Variants in CTNND2 observed in about 807,000 individuals in gnomAD.
CTNND2 encodes the protein catenin delta 2.
In CTNND2, 22 loss-of-function variants were observed where a neutral mutation model predicts 144.4. That is an observed-to-expected ratio of 0.15 (90% confidence interval 0.11 to 0.22). The LOEUF is 0.22. Ranked by LOEUF, CTNND2 falls within the 10% of genes least tolerant of loss-of-function variation. The pLI is 1.00. For synonymous variants in CTNND2, 751 were observed against 695.6 expected (o/e 1.08, Z -1.25); for missense variants, 1,353 against 1,618.8 (o/e 0.84, Z 2.82).
intron 12 of CTNND2, among the ~76,000 whole-genome samples, chr5:11,132,664 A>G (rs1249923810): frequency 6.6e-6 from 1 of 152,198 alleles, no homozygotes; most frequent in Admixed American, 6.5e-5. Context: ...GGCAGGCCAG[A>G]CTGACTAAGA....
intron 12 of CTNND2, among the ~76,000 whole-genome samples, chr5:11,155,995 T>C (rs1758184608): frequency 6.6e-6 from 1 of 152,176 alleles, no homozygotes; most frequent in Non-Finnish European, 1.5e-5. Flanking sequence ...ATGTGCCTCC[T>C]TCAGTAGTCT....
intron 3 of CTNND2, among the ~76,000 whole-genome samples, chr5:11,547,394 A>G (rs1775344251): frequency 6.6e-6 from 1 of 152,256 alleles, no homozygotes; most frequent in South Asian, 2.1e-4. Flanking sequence ...TTTAATTCTG[A>G]AAATTGTTTA....
rs151035777 is a variant in CTNND2, at chr5:11,285,332, C to G, written c.1629-48509G>C. Among the ~76,000 whole-genome samples, 966 of 152,326 alleles carry G rather than the reference C, an allele frequency of 6.3e-3. 8 individuals carry two copies. Among genetic ancestry groups the G allele is most frequent in the Non-Finnish European group, 0.011 (723 of 68,038 alleles). On this transcript the variant is annotated intron_variant, in intron 9 of 21. Transcript: ENST00000304623. ...AGCCCAGTTCTATAGTGAAATCTCT[C>G]TTCCCCTATTGCAATAGTTTCTGAA...
chr5:11,578,006 G>C (rs1778096787), intron 2 of CTNND2, among the ~76,000 whole-genome samples: 1 of 152,110 alleles, frequency 6.6e-6, no homozygotes, highest in East Asian at 1.9e-4. Flanking sequence ...AGTCCACTGG[G>C]GCTATGGACA....
At chr5:11,507,470 G>A (rs975581733) in intron 3 of CTNND2, among the ~76,000 whole-genome samples, 4 of 152,142 alleles carry the variant, frequency 2.6e-5, no homozygotes, top group Non-Finnish European at 5.9e-5. Flanking sequence ...CTTTTGAGTG[G>A]GGAAGGGATT....
chr5:11,476,149 G>T (rs1168552391), intron 3 of CTNND2, among the ~76,000 whole-genome samples: 3 of 151,898 alleles, frequency 2.0e-5, no homozygotes, highest in South Asian at 2.1e-4. Context: ...GGGATTACAG[G>T]TATGAACCAC....
At chr5:11,066,043 CTT>C (rs34270980) in intron 16 of CTNND2, among the ~76,000 whole-genome samples, 206 of 142,880 alleles carry the variant, frequency 1.4e-3, no homozygotes, top group African/African-American at 2.2e-3. Flanking sequence ...AATCTTTTAT[CTT>C]TTTTTTTTTT....
At chr5:11,287,018 C>T (rs1178955784) in intron 9 of CTNND2, among the ~76,000 whole-genome samples, 1 of 152,190 alleles carries the variant, frequency 6.6e-6, no homozygotes, top group Non-Finnish European at 1.5e-5. Context: ...TCTACATATA[C>T]ACACCCACAT....
intron 2 of CTNND2, among the ~76,000 whole-genome samples, chr5:11,647,620 C>A (rs773016523): frequency 4.6e-5 from 7 of 152,108 alleles, no homozygotes; most frequent in Non-Finnish European, 8.8e-5. Flanking sequence ...ACAACTCACA[C>A]CCCTAATGTT....
chr5:11,376,655 G>C lies in CTNND2; in HGVS notation c.1177+8010C>G, dbSNP rs930277954. ...AACTTCCTCATCACTCCATACGCTTGTACTATCTAATGTAAACCAGCATCT... is the reference window on the plus strand; with the variant it reads ...AACTTCCTCATCACTCCATACGCTTCTACTATCTAATGTAAACCAGCATCT... On this transcript the variant is annotated intron_variant, in intron 7 of 21. Transcript: ENST00000304623. 4.6e-5 allele frequency among the ~76,000 whole-genome samples: 7 copies of C among 152,132 alleles called. No individual in the cohort carries two copies. In the South Asian group the frequency reaches 8.3e-4, roughly 18 times the overall value.
At chr5:11,696,104 G>A (rs1371573979) in intron 2 of CTNND2, among the ~76,000 whole-genome samples, 1 of 152,084 alleles carries the variant, frequency 6.6e-6, no homozygotes, top group Non-Finnish European at 1.5e-5. Flanking sequence ...TTCTGCAAGG[G>A]GCCAGATAGT....
chr5:11,573,300 G>T (rs532779876), intron 2 of CTNND2, among the ~76,000 whole-genome samples: 1 of 152,060 alleles, frequency 6.6e-6, no homozygotes, highest in African/African-American at 2.4e-5. Context: ...AGTTCTTGCC[G>T]CCTGGTGTCT....
chr5:11,226,399 C>T (rs1436455912), intron 10 of CTNND2, among the ~76,000 whole-genome samples: 1 of 152,200 alleles, frequency 6.6e-6, no homozygotes, highest in Non-Finnish European at 1.5e-5. Context: ...CACCATCTCA[C>T]CCATGATGAA....
At chr5:11,564,240 C>G (rs886626540) in intron 3 of CTNND2, among the ~76,000 whole-genome samples, 1 of 152,204 alleles carries the variant, frequency 6.6e-6, no homozygotes, top group African/African-American at 2.4e-5. Flanking sequence ...GTGCCAAAAA[C>G]ACACCATCTA....
chr5:11,453,696 C>T (rs926034084), intron 3 of CTNND2, among the ~76,000 whole-genome samples: 1 of 152,136 alleles, frequency 6.6e-6, no homozygotes, highest in African/African-American at 2.4e-5. Flanking sequence ...AAAAGAAAAC[C>T]CTTATTCAAA....
At chr5:11,319,307 A>G (rs1299304348) in intron 9 of CTNND2, among the ~76,000 whole-genome samples, 4 of 152,270 alleles carry the variant, frequency 2.6e-5, no homozygotes, top group East Asian at 1.9e-4. Flanking sequence ...TTTATACTCA[A>G]TAAGTATTTG....
intron 10 of CTNND2, among the ~76,000 whole-genome samples, chr5:11,205,034 T>A (rs1223265703): frequency 6.6e-6 from 1 of 152,186 alleles, no homozygotes; most frequent in Non-Finnish European, 1.5e-5. Flanking sequence ...AGGACCTGGG[T>A]GTGTGCTGCT....
intron 7 of CTNND2, among the ~76,000 whole-genome samples, chr5:11,382,789 C>T (rs940216876): frequency 1.3e-5 from 2 of 152,056 alleles, no homozygotes; most frequent in Admixed American, 6.5e-5. Context: ...AACTAGCAAA[C>T]CAAGTAGCTC....
intron 1 of CTNND2, among the ~76,000 whole-genome samples, chr5:11,745,144 T>TA (rs147212055): frequency 0.014 from 2,116 of 152,316 alleles, 45 homozygotes; most frequent in African/African-American, 0.045. Context: ...CATTGTTTTT[T>TA]AAACCAAATA....
Sources: allele counts gnomAD v4.1 joint callset (sites outside exome capture counted in the v4.1 genomes callset), GRCh38; gene constraint gnomAD v4.1.1; transcripts MANE v1.5; gene names NCBI Gene and HGNC (gene_info 2026-07-23, HGNC 2026-07-21).